Variants in KDM4C observed in about 807,000 individuals in gnomAD.
KDM4C encodes the protein lysine demethylase 4C, also known as lysine-specific demethylase 4C.
KDM4C carries 81 observed loss-of-function variants against 129.3 expected under a neutral mutation model. The observed-to-expected ratio is 0.63, with a 90% confidence interval of 0.52 to 0.75. KDM4C has a LOEUF of 0.75. KDM4C is among the 30% of genes least tolerant of loss of function. KDM4C has a pLI of 0.00. For missense variants in KDM4C, 1,457 were observed against 1,304.0 expected (o/e 1.12, Z -1.81); for synonymous variants, 573 against 456.1 (o/e 1.26, Z -3.26).
At chr9:6,803,496 G>A (rs974394307) in intron 2 of KDM4C, among the ~76,000 whole-genome samples, 1 of 151,824 alleles carries the variant, frequency 6.6e-6, no homozygotes, top group Non-Finnish European at 1.5e-5. Flanking sequence ...CTTGACCCCG[G>A]GAGGTGGAGG....
intron 19 of KDM4C, among the ~76,000 whole-genome samples, chr9:7,152,311 T>C (rs568676616): frequency 5.9e-5 from 9 of 152,340 alleles, no homozygotes; most frequent in African/African-American, 2.2e-4. Context: ...AGTGGCTAAA[T>C]TAGTTGTGGT....
intron 1 of KDM4C, among the ~76,000 whole-genome samples, chr9:6,732,681 G>A (rs1234940850): frequency 6.6e-6 from 1 of 152,152 alleles, no homozygotes; most frequent in Non-Finnish European, 1.5e-5. Context: ...ATTGAACCCA[G>A]CCCTCTATTG....
At chr9:6,978,344 G>A (rs1218821514) in intron 8 of KDM4C, among the ~76,000 whole-genome samples, 3 of 146,594 alleles carry the variant, frequency 2.0e-5, no homozygotes, top group Admixed American at 6.9e-5. Flanking sequence ...AACTTTAAAG[G>A]TGTAATCTTT....
At chr9:7,069,377 T>G (rs955733647) in intron 17 of KDM4C, among the ~76,000 whole-genome samples, 1 of 152,232 alleles carries the variant, frequency 6.6e-6, no homozygotes, top group African/African-American at 2.4e-5. Context: ...ACATGTTTAT[T>G]TAACTTTTTA....
At chr9:6,989,984 C>G (rs1586745842) in intron 11 of KDM4C, among the ~76,000 whole-genome samples, 3 of 151,988 alleles carry the variant, frequency 2.0e-5, no homozygotes, top group South Asian at 4.2e-4. Context: ...CCCTATGTTG[C>G]CCAGGCTAGT....
chr9:6,879,704 C>G (rs1354442299), intron 5 of KDM4C, among the ~76,000 whole-genome samples: 3 of 152,212 alleles, frequency 2.0e-5, no homozygotes, highest in Non-Finnish European at 4.4e-5. Flanking sequence ...CAGAGGGTCT[C>G]TAGGCTGTGA....
chr9:7,011,385 T>A (rs1406006789), intron 12 of KDM4C, among the ~76,000 whole-genome samples: 1 of 152,150 alleles, frequency 6.6e-6, no homozygotes, highest in African/African-American at 2.4e-5. Flanking sequence ...GCTTTTACCG[T>A]AGCAGTAGAG....
At chr9:7,013,652 G>C (rs933008855) in intron 13 of KDM4C, 136 bp from the exon 14 acceptor site, 3 of 747,872 alleles carry the variant, frequency 4.0e-6, no homozygotes, top group Non-Finnish European at 6.3e-6. Flanking sequence ...AAAACTAGTA[G>C]TTTGGTCAAG....
intron 8 of KDM4C, chr9:6,974,743 T>C (rs191966008): frequency 1.3e-5 from 2 of 152,366 alleles, no homozygotes; most frequent in Admixed American, 1.3e-4. Context: ...TGCAGAGCCC[T>C]ATTTTTATCT....
At chr9:6,824,560 T>G (rs771871147) in intron 4 of KDM4C, among the ~76,000 whole-genome samples, 9 of 151,914 alleles carry the variant, frequency 5.9e-5, no homozygotes, top group Non-Finnish European at 7.4e-5. Flanking sequence ...TAACTTTCAT[T>G]TAAGGAGGTT....
intron 6 of KDM4C, among the ~76,000 whole-genome samples, chr9:6,882,772 T>TTGTGTGTGTG (rs3072026): frequency 3.7e-4 from 55 of 149,750 alleles, no homozygotes; most frequent in Non-Finnish European, 6.8e-4. Context: ...TTTTAAGCAT[T>TTGTGTGTGTG]TGTGTGTGTG....
intron 1 of KDM4C, among the ~76,000 whole-genome samples, chr9:6,768,362 G>T (rs1188081758): frequency 6.6e-6 from 1 of 150,926 alleles, no homozygotes; most frequent in Non-Finnish European, 1.5e-5. Context: ...TTAACCTGCT[G>T]GGCTTCCCTT....
intron 1 of KDM4C, among the ~76,000 whole-genome samples, chr9:6,773,666 G>T (rs2130658836): frequency 6.6e-6 from 1 of 151,976 alleles, no homozygotes; most frequent in Middle Eastern, 3.4e-3. Flanking sequence ...AGCTGCTCAG[G>T]TCGCTGAGGC....
At chr9:6,770,261 T>G (rs919792790) in intron 1 of KDM4C, among the ~76,000 whole-genome samples, 1 of 151,754 alleles carries the variant, frequency 6.6e-6, no homozygotes, top group African/African-American at 2.4e-5. Context: ...AGGAAAAATG[T>G]TGGGTAACAG....
At chr9:7,084,610 C>G (rs948228690) in intron 17 of KDM4C, among the ~76,000 whole-genome samples, 1 of 152,178 alleles carries the variant, frequency 6.6e-6, no homozygotes, top group Non-Finnish European at 1.5e-5. Flanking sequence ...TTTAAACAAT[C>G]CGTCCATTTA....
chr9:6,757,757 T>G, upstream of KDM4C: 1 of 985,620 alleles, frequency 1.0e-6, no homozygotes, highest in Non-Finnish European at 1.2e-6. Flanking sequence ...TGTTTTCTCC[T>G]TCTACGCGAG....
At chr9:7,043,122 A>G (rs1427892641) in intron 15 of KDM4C, among the ~76,000 whole-genome samples, 1 of 152,042 alleles carries the variant, frequency 6.6e-6, no homozygotes, top group Non-Finnish European at 1.5e-5. Flanking sequence ...TGAAATAATA[A>G]ATTACTTAAT....
chr9:6,812,722 C>T (rs113656235), intron 3 of KDM4C, among the ~76,000 whole-genome samples: 2 of 152,066 alleles, frequency 1.3e-5, no homozygotes, highest in African/African-American at 2.4e-5. Flanking sequence ...ACCCATTCTC[C>T]GGGAAATAGG....
intron 14 of KDM4C, among the ~76,000 whole-genome samples, chr9:7,015,369 C>A (rs1436360278): frequency 1.3e-5 from 2 of 152,066 alleles, no homozygotes; most frequent in Non-Finnish European, 2.9e-5. Context: ...TATTTTGGGT[C>A]AGGCGTGAAC....
Sources: allele counts gnomAD v4.1 joint callset (sites outside exome capture counted in the v4.1 genomes callset), GRCh38; gene constraint gnomAD v4.1.1; transcripts MANE v1.5; gene names NCBI Gene and HGNC (gene_info 2026-07-23, HGNC 2026-07-21).